The following SPTBN1 variants were observed in gnomAD, a reference collection of about 807,000 sequenced individuals.
SPTBN1 encodes the protein spectrin beta chain, non-erythrocytic 1.
SPTBN1 carries 32 observed loss-of-function variants against 266.4 expected under a neutral mutation model. That is an observed-to-expected ratio of 0.12 (90% CI 0.09 to 0.16). The LOEUF (loss-of-function observed/expected upper bound fraction) is 0.16, where lower values mean the gene tolerates loss of function less well. Among genes scored for constraint, SPTBN1 ranks in the 10% least tolerant of loss-of-function variants. SPTBN1 has a pLI of 1.00. For synonymous variants in SPTBN1, 1,336 were observed against 1,162.2 expected (o/e 1.15, Z -3.04); for missense variants, 2,296 against 3,067.1 (o/e 0.75, Z 5.94).
At chr2:54,519,924 T>C (rs1573321141) in intron 1 of SPTBN1, among the ~76,000 whole-genome samples, 1 of 151,800 alleles carries the variant, frequency 6.6e-6, no homozygotes, top group Non-Finnish European at 1.5e-5. Flanking sequence ...CTAGGAGAAG[T>C]GGGGATGCCA....
At position 54,664,730 on chromosome 2, in the gene SPTBN1, C is replaced by A; in HGVS notation, c.6659+39C>A. On this transcript the variant is annotated intron_variant, in intron 33 of 35. Transcript: ENST00000356805. This position sits in a 1 kb window ranked among gnomAD's most constrained non-coding sequence, Gnocchi z 5.6. ...AGGCTGCCACAGTAAGATGGGAAGT[C>A]AGCCTGTGAAGGGATAAGGCGGGCC... 1 of 1,602,306 alleles carries A rather than the reference C, an allele frequency of 6.2e-7. No homozygotes were observed. Among genetic ancestry groups the A allele is most frequent in the South Asian group, 1.1e-5 (1 of 90,574 alleles).
At chr2:54,519,696 G>A (rs1670318437) in intron 1 of SPTBN1, among the ~76,000 whole-genome samples, 1 of 152,098 alleles carries the variant, frequency 6.6e-6, no homozygotes, top group Admixed American at 6.5e-5. Context: ...TAGTTTTTAG[G>A]GGGATAAAAT....
chr2:54,526,592 G>A (rs760010703), intron 2 of SPTBN1, 26 bp downstream of exon 2: 2 of 1,597,968 alleles, frequency 1.3e-6, no homozygotes, highest in African/African-American at 1.3e-5. Flanking sequence ...CTGTCACAGA[G>A]GCCCAGGATG....
Position 54,629,716 on chromosome 2 carries a change from G to C in SPTBN1, c.2582G>C (p.Cys861Ser). 1 of 1,613,318 alleles carries C rather than the reference G, an allele frequency of 6.2e-7. No individual in the cohort carries two copies. Among genetic ancestry groups the C allele is most frequent in the Non-Finnish European group, 8.5e-7 (1 of 1,180,036 alleles). Residue 861 changes from cysteine to serine, a missense_variant, in exon 14 of 36, where the codon TGT becomes TCT. Transcript: ENST00000356805. ...AAGATGTTCAGCGAGGCTGATGCCT[G>C]TGAGCTCTGGATCGACGAGAAGGAG... is the stretch of plus-strand genomic sequence containing the variant. ...LYKMFSEADA[C>S]ELWIDEKEQW...
chr2:54,509,302 G>C (rs745654161), intron 1 of SPTBN1, among the ~76,000 whole-genome samples: 3 of 152,178 alleles, frequency 2.0e-5, no homozygotes, highest in East Asian at 1.9e-4. Context: ...ATTGAAGTCC[G>C]GGCCAGGAAC....
chr2:54,541,473 C>T (rs1671936190), intron 2 of SPTBN1, among the ~76,000 whole-genome samples: 1 of 152,146 alleles, frequency 6.6e-6, no homozygotes, highest in African/African-American at 2.4e-5. Flanking sequence ...AATCTAAAAC[C>T]CCTCACACTG....
chr2:54,557,844 G>C (rs1018081150), intron 2 of SPTBN1: 3 of 985,290 alleles, frequency 3.0e-6, no homozygotes, highest in Non-Finnish European at 3.6e-6. Context: ...TCCCCTGGCT[G>C]TGGCGCTGCA....
At chr2:54,652,694 C>A (rs534209987) in intron 26 of SPTBN1, 2 of 152,346 alleles carry the variant, frequency 1.3e-5, no homozygotes, top group East Asian at 1.9e-4. Flanking sequence ...CTGTTACACT[C>A]CTGTCTACAG....
At chr2:54,460,885 C>G (rs540753333) in intron 1 of SPTBN1, among the ~76,000 whole-genome samples, 1 of 152,208 alleles carries the variant, frequency 6.6e-6, no homozygotes, top group African/African-American at 2.4e-5. Context: ...TCTGTAATTC[C>G]CAGCTACTCG....
intron 17 of SPTBN1, among the ~76,000 whole-genome samples, chr2:54,633,989 AAAAT>A (rs1678942590): frequency 6.6e-6 from 1 of 152,262 alleles, no homozygotes; most frequent in African/African-American, 2.4e-5. Flanking sequence ...GCAAAAAAGA[AAAAT>A]AAATCCACCA....
intron 32 of SPTBN1, chr2:54,661,397 A>G: frequency 1.0e-6 from 1 of 985,812 alleles, no homozygotes; most frequent in Non-Finnish European, 1.2e-6. Flanking sequence ...TGTGTTCTCT[A>G]TGAGTTAAGT....
intron 3 of SPTBN1, among the ~76,000 whole-genome samples, chr2:54,603,619 C>T (rs1020835766): frequency 2.0e-5 from 3 of 152,112 alleles, no homozygotes; most frequent in Non-Finnish European, 2.9e-5. Context: ...TGTGGTATTC[C>T]CCGATTAATT....
At chr2:54,522,414 C>T (rs1001808214) in intron 1 of SPTBN1, among the ~76,000 whole-genome samples, 5 of 151,864 alleles carry the variant, frequency 3.3e-5, no homozygotes, top group East Asian at 1.9e-4. Flanking sequence ...GCAGATTACC[C>T]GAGTTCAGGA....
At chr2:54,512,713 G>A (rs1396829182) in intron 1 of SPTBN1, among the ~76,000 whole-genome samples, 1 of 152,168 alleles carries the variant, frequency 6.6e-6, no homozygotes, top group African/African-American at 2.4e-5. Flanking sequence ...GTAAAGAGAA[G>A]GTTGTTCCTG....
chr2:54,662,189 C>T, intron 32 of SPTBN1: 1 of 985,400 alleles, frequency 1.0e-6, no homozygotes. Flanking sequence ...GGGATGTGTT[C>T]ACATGTACCC....
chr2:54,573,586 C>A (rs1323456854), intron 2 of SPTBN1, among the ~76,000 whole-genome samples: 1 of 152,200 alleles, frequency 6.6e-6, no homozygotes, highest in Non-Finnish European at 1.5e-5. Flanking sequence ...ATTTGGGATC[C>A]TCTGTCTTTG....
intron 1 of SPTBN1, among the ~76,000 whole-genome samples, chr2:54,480,581 C>A (rs1433826024): frequency 6.6e-6 from 1 of 152,132 alleles, no homozygotes; most frequent in East Asian, 1.9e-4. Flanking sequence ...TTCAGTATAA[C>A]CCACATTCAG....
intron 2 of SPTBN1, among the ~76,000 whole-genome samples, chr2:54,550,720 C>G (rs78885815): frequency 0.045 from 6,816 of 152,252 alleles, 190 homozygotes; most frequent in Middle Eastern, 0.099. Context: ...TGTCACTAAC[C>G]TGTCATTTGT....
chr2:54,610,834 G>T (rs1192917031), intron 3 of SPTBN1, among the ~76,000 whole-genome samples: 1 of 152,172 alleles, frequency 6.6e-6, no homozygotes, highest in Admixed American at 6.5e-5. Context: ...ATTAGTCAAG[G>T]TTTACAGTAT....
Sources: allele counts gnomAD v4.1 joint callset (sites outside exome capture counted in the v4.1 genomes callset), GRCh38; gene constraint gnomAD v4.1.1; non-coding constraint Gnocchi (gnomAD v3.1); transcripts MANE v1.5; gene names NCBI Gene and HGNC (gene_info 2026-07-23, HGNC 2026-07-21).